The following PPM1H variants were observed in gnomAD, a reference collection of about 807,000 sequenced individuals.
PPM1H encodes the protein protein phosphatase, Mg2+/Mn2+ dependent 1H, also known as protein phosphatase 1H.
PPM1H carries 27 observed loss-of-function variants against 54.9 expected under a neutral mutation model. That is an observed-to-expected ratio of 0.49 (90% CI 0.36 to 0.68). The LOEUF is 0.68. Among genes scored for constraint, PPM1H ranks in the 30% least tolerant of loss-of-function variants. PPM1H has a pLI of 0.00. For synonymous variants in PPM1H, 305 were observed against 270.8 expected, an observed-to-expected ratio of 1.13 and a Z score of -1.24; for missense variants, 596 against 667.8, an observed-to-expected ratio of 0.89 and a Z score of 1.19.
chr12:62,664,941 C>CG (rs1416568999), intron 9 of PPM1H, among the ~76,000 whole-genome samples: 1 of 149,420 alleles, frequency 6.7e-6, no homozygotes, highest in African/African-American at 2.4e-5. Flanking sequence ...CCATTGGCAC[C>CG]GTTTACTTTT....
intron 4 of PPM1H, among the ~76,000 whole-genome samples, chr12:62,766,272 C>G (rs773227719): frequency 6.6e-6 from 1 of 152,122 alleles, no homozygotes. Context: ...TAGTTCTGGG[C>G]ATCTTAAGTG....
chr12:62,755,745 C>A, intron 4 of PPM1H: 1 of 827,190 alleles, frequency 1.2e-6, no homozygotes, highest in Non-Finnish European at 2.0e-6. Context: ...TGGAAGGACT[C>A]ATGAATGACC....
chr12:62,853,679 A>G (rs1046321987), intron 1 of PPM1H, among the ~76,000 whole-genome samples: 2 of 152,192 alleles, frequency 1.3e-5, no homozygotes, highest in African/African-American at 4.8e-5. Context: ...GCTGGTTCAG[A>G]GGAAATGCTT....
chr12:62,805,559 G>T (rs1432546522), intron 2 of PPM1H, among the ~76,000 whole-genome samples: 1 of 152,170 alleles, frequency 6.6e-6, no homozygotes, highest in East Asian at 1.9e-4. Flanking sequence ...CAACATGAAT[G>T]AACCTGGAGG....
chr12:62,913,344 T>G (rs1000248951), intron 1 of PPM1H, among the ~76,000 whole-genome samples: 1 of 152,176 alleles, frequency 6.6e-6, no homozygotes, highest in Non-Finnish European at 1.5e-5. Context: ...ATGTGGAAGA[T>G]GCGCACATTT....
At chr12:62,901,265 T>C (rs1871158644) in intron 1 of PPM1H, among the ~76,000 whole-genome samples, 1 of 152,238 alleles carries the variant, frequency 6.6e-6, no homozygotes, top group African/African-American at 2.4e-5. Flanking sequence ...GGAGGTGAGC[T>C]TACATTTACA....
intron 4 of PPM1H, among the ~76,000 whole-genome samples, chr12:62,748,379 G>C (rs1592578022): frequency 6.6e-6 from 1 of 152,330 alleles, no homozygotes; most frequent in East Asian, 1.9e-4. Context: ...AAGGGAACTT[G>C]CTGAATGGCA....
At position 62,934,913 on chromosome 12, in the gene PPM1H, C is replaced by G; in HGVS notation, c.-177G>C. ...TGCAGGGGGCCGAGCCCCGGCCTCT[C>G]GTGCTTAGTGCCGCGGTGGCCGCCG... On this transcript the variant is annotated 5_prime_UTR_variant, in exon 1 of 10. Coordinates refer to ENST00000228705, the MANE Select transcript of PPM1H (RefSeq NM_020700.2). This position sits in a 1 kb window ranked among gnomAD's most constrained non-coding sequence, Gnocchi z 4.2. 4.4e-6 allele frequency: 2 copies of G among 458,646 alleles called. No homozygotes were observed. The highest frequency in any genetic ancestry group is 6.6e-6 in the Non-Finnish European group (2 of 303,158). 28.4% of individuals were successfully genotyped at this position (458,646 alleles called of 1,614,324 possible).
At chr12:62,911,017 T>C (rs1871442332) in intron 1 of PPM1H, among the ~76,000 whole-genome samples, 1 of 152,206 alleles carries the variant, frequency 6.6e-6, no homozygotes. Context: ...AACAAGAGAA[T>C]GTGGGACAGA....
At chr12:62,892,021 T>C (rs1049121475) in intron 1 of PPM1H, among the ~76,000 whole-genome samples, 1 of 152,194 alleles carries the variant, frequency 6.6e-6, no homozygotes, top group African/African-American at 2.4e-5. Context: ...TGGCTACAAC[T>C]TTCAGCCACC....
intron 4 of PPM1H, among the ~76,000 whole-genome samples, chr12:62,747,158 C>T (rs986477321): frequency 1.3e-5 from 2 of 148,394 alleles, no homozygotes; most frequent in East Asian, 2.0e-4. Context: ...TTTTTTGAGA[C>T]GGAGTTTTGC....
chr12:62,850,167 A>G lies in PPM1H; in HGVS notation c.246-17888T>C, dbSNP rs566107466. ...CTTTTTGTAGATACAGGGTTTCACCATGTTGTTCAGGCTGGTCTCAAACTC... is the reference window on the plus strand; with the variant it reads ...CTTTTTGTAGATACAGGGTTTCACCGTGTTGTTCAGGCTGGTCTCAAACTC... On this transcript the variant is annotated intron_variant, in intron 1 of 9. Transcript: ENST00000228705. 3.5e-4 allele frequency among the ~76,000 whole-genome samples: 53 copies of G among 152,064 alleles called. 1 individual carries two copies. Among genetic ancestry groups the G allele is most frequent in the African/African-American group, 1.3e-3 (52 of 41,464 alleles).
At chr12:62,670,144 A>G (rs1392791209) in intron 8 of PPM1H, among the ~76,000 whole-genome samples, 2 of 151,222 alleles carry the variant, frequency 1.3e-5, no homozygotes, top group Non-Finnish European at 2.9e-5. Flanking sequence ...CGCCCGGCTA[A>G]TTTTGTATTT....
chr12:62,870,383 C>A (rs189844107), intron 1 of PPM1H, among the ~76,000 whole-genome samples: 15 of 151,970 alleles, frequency 9.9e-5, no homozygotes, highest in Admixed American at 1.3e-4. Flanking sequence ...AGATTTTGCT[C>A]CAGACAAAGC....
At chr12:62,924,770 G>C (rs1439745337) in intron 1 of PPM1H, among the ~76,000 whole-genome samples, 1 of 152,170 alleles carries the variant, frequency 6.6e-6, no homozygotes, top group Non-Finnish European at 1.5e-5. Context: ...AGCCGGGTGT[G>C]GTGGCTCACG....
chr12:62,927,397 C>T (rs1466459355), intron 1 of PPM1H, among the ~76,000 whole-genome samples: 3 of 152,132 alleles, frequency 2.0e-5, no homozygotes, highest in African/African-American at 4.8e-5. Flanking sequence ...CGGTGGCTCA[C>T]GCCTGTCATC....
intron 6 of PPM1H, among the ~76,000 whole-genome samples, chr12:62,718,859 G>A (rs1189231533): frequency 6.6e-6 from 1 of 152,192 alleles, no homozygotes; most frequent in East Asian, 1.9e-4. Flanking sequence ...AGCTGCAAAG[G>A]TGAACCCTTT....
intron 3 of PPM1H, among the ~76,000 whole-genome samples, chr12:62,796,093 C>T (rs2076732429): frequency 6.6e-6 from 1 of 152,168 alleles, no homozygotes; most frequent in Non-Finnish European, 1.5e-5. Context: ...GATGTAAGCT[C>T]AATAAATACT....
intron 6 of PPM1H, among the ~76,000 whole-genome samples, chr12:62,699,883 C>T (rs1023007998): frequency 2.6e-5 from 4 of 152,184 alleles, no homozygotes; most frequent in African/African-American, 9.7e-5. Flanking sequence ...ATTGAGCCTG[C>T]CTTATTGAAC....
Sources: gnomAD v4.1 joint callset for allele counts (sites outside exome capture counted in the v4.1 genomes callset) on GRCh38, gnomAD v4.1.1 for gene constraint, Gnocchi (gnomAD v3.1) non-coding constraint, MANE v1.5 for transcripts, NCBI Gene and HGNC (gene_info 2026-07-23, HGNC 2026-07-21) for gene names.